Variants in LOXL2 observed in about 807,000 individuals in gnomAD.
LOXL2 encodes lysyl oxidase like 2, also known as lysyl oxidase homolog 2.
LOXL2 carries 70 observed loss-of-function variants against 93.0 expected under a neutral mutation model. That is an observed-to-expected ratio of 0.75 (90% CI 0.62 to 0.92). LOXL2 has a LOEUF of 0.92. LOXL2 is among the 40% of genes least tolerant of loss of function. The pLI, the probability that LOXL2 is intolerant of heterozygous loss-of-function variation, is 0.00. For missense variants in LOXL2, 973 were observed against 1,054.9 expected (o/e 0.92, Z 1.08); for synonymous variants, 438 against 413.2 (o/e 1.06, Z -0.73).
At chr8:23,383,274 A>G (rs928586299) in intron 1 of LOXL2, among the ~76,000 whole-genome samples, 1 of 152,096 alleles carries the variant, frequency 6.6e-6, no homozygotes, top group African/African-American at 2.4e-5. Flanking sequence ...CTTCCTAGCT[A>G]TATTAAGAGC....
intron 10 of LOXL2, among the ~76,000 whole-genome samples, chr8:23,308,675 G>A (rs996546478): frequency 6.6e-6 from 1 of 152,230 alleles, no homozygotes; most frequent in African/African-American, 2.4e-5. Flanking sequence ...ACAGAGGGAA[G>A]GTAAGAGGAT....
In LOXL2 at chr8:23,297,910, T is replaced by A; in HGVS notation, c.*133A>T. ...CTTTCCTCCTGAGCTTAGACACAGC[T>A]GTAGGGGTCTGGACAGGGTGGGGGC... On this transcript the variant is annotated 3_prime_UTR_variant, in exon 14 of 14. Coordinates refer to ENST00000389131, the MANE Select transcript of LOXL2 (RefSeq NM_002318.3). The A allele has an allele frequency of 1.5e-6, 1 of 679,664 alleles. No homozygotes were observed. The highest frequency in any genetic ancestry group is 2.6e-6 in the Non-Finnish European group (1 of 382,668). 42.1% of individuals were successfully genotyped at this position (679,664 alleles called of 1,614,324 possible). A position where few individuals can be genotyped will look rare whatever the true frequency, so the allele number is the denominator to read the frequency against.
intron 1 of LOXL2, chr8:23,385,746 G>A (rs1202892573): frequency 1.9e-5 from 11 of 574,764 alleles, no homozygotes; most frequent in East Asian, 5.7e-5. Context: ...AAATTCCCTC[G>A]TAGCCACTTT....
chr8:23,385,838 CA>C, intron 1 of LOXL2: 2 of 569,408 alleles, frequency 3.5e-6, no homozygotes, highest in Middle Eastern at 3.0e-4. Context: ...GGAATCAATA[CA>C]AAAATTATTA....
chr8:23,389,242 T>G (rs916970501), intron 1 of LOXL2, among the ~76,000 whole-genome samples: 5 of 152,204 alleles, frequency 3.3e-5, no homozygotes, highest in African/African-American at 1.2e-4. Flanking sequence ...CCTTGATAGC[T>G]GAGTCAGTCT....
At chr8:23,401,020 C>A (rs537635342) in intron 1 of LOXL2, among the ~76,000 whole-genome samples, 20 of 152,292 alleles carry the variant, frequency 1.3e-4, no homozygotes, top group Admixed American at 1.2e-3. Context: ...AAGAAGAACT[C>A]TTCAGAGAGC....
At chr8:23,317,627 G>C (rs1803423865) in intron 8 of LOXL2, among the ~76,000 whole-genome samples, 1 of 152,212 alleles carries the variant, frequency 6.6e-6, no homozygotes, top group Admixed American at 6.5e-5. Flanking sequence ...TCTGAATTTA[G>C]ACTTTTCCCC....
intron 6 of LOXL2, among the ~76,000 whole-genome samples, chr8:23,325,017 A>T (rs1249354195): frequency 1.3e-5 from 2 of 152,230 alleles, no homozygotes; most frequent in East Asian, 3.8e-4. Flanking sequence ...CACCAGCTGC[A>T]TGTGGCTATT....
At chr8:23,348,612 T>C (rs1332947415) in intron 3 of LOXL2, among the ~76,000 whole-genome samples, 1 of 151,828 alleles carries the variant, frequency 6.6e-6, no homozygotes, top group Non-Finnish European at 1.5e-5. Context: ...GTGCGGTGGC[T>C]CACGCCTGTA....
intron 3 of LOXL2, among the ~76,000 whole-genome samples, chr8:23,347,557 G>A (rs776941434): frequency 2.0e-5 from 3 of 152,112 alleles, no homozygotes; most frequent in Non-Finnish European, 2.9e-5. Flanking sequence ...GGCTGAGGCA[G>A]GAAAATCGCT....
chr8:23,309,403 C>T (rs934020817), intron 10 of LOXL2, among the ~76,000 whole-genome samples: 7 of 152,132 alleles, frequency 4.6e-5, no homozygotes, highest in Admixed American at 1.3e-4. Context: ...AGGGTATGGG[C>T]GCTCAAAACA....
chr8:23,369,520 G>A (rs1004163755), intron 1 of LOXL2, among the ~76,000 whole-genome samples: 4 of 152,168 alleles, frequency 2.6e-5, no homozygotes, highest in African/African-American at 9.7e-5. Flanking sequence ...TACCTTTGAG[G>A]AAGGACTGGC....
intron 6 of LOXL2, among the ~76,000 whole-genome samples, chr8:23,325,960 CAGA>C (rs1803569978): frequency 6.6e-6 from 1 of 152,182 alleles, no homozygotes; most frequent in East Asian, 1.9e-4. Flanking sequence ...ATCTGAGGCC[CAGA>C]AGGTTGCTCA....
At chr8:23,383,871 A>G (rs1585381150) in intron 1 of LOXL2, among the ~76,000 whole-genome samples, 1 of 152,064 alleles carries the variant, frequency 6.6e-6, no homozygotes, top group Admixed American at 6.6e-5. Context: ...CGTGTTAGCC[A>G]GGATGGTCTC....
At chr8:23,403,745 G>A (rs767072191) in intron 1 of LOXL2, among the ~76,000 whole-genome samples, 192 of 152,194 alleles carry the variant, frequency 1.3e-3, no homozygotes, top group Non-Finnish European at 2.1e-3. Flanking sequence ...CGGCCCGTAC[G>A]AGGTGGGGTT....
intron 3 of LOXL2, among the ~76,000 whole-genome samples, chr8:23,341,747 G>A (rs552769881): frequency 6.6e-6 from 1 of 152,188 alleles, no homozygotes; most frequent in South Asian, 2.1e-4. Flanking sequence ...CCCCAGGGGT[G>A]GGCATTCCTC....
rs533822296 is a variant in LOXL2, at chr8:23,395,202, C to T, written c.-84+8752G>A. ...CTGGGAGACGGAGGTTGCAGTGAGC[C>T]GAGATGGCGCCACTGCACTCCAGCC... On this transcript the variant is annotated intron_variant, in intron 1 of 13. Coordinates refer to ENST00000389131, the MANE Select transcript of LOXL2 (RefSeq NM_002318.3). Among the ~76,000 whole-genome samples the T allele has an allele frequency of 4.4e-4, 67 of 151,492 alleles. 1 individual carries two copies. Among genetic ancestry groups the T allele is most frequent in the African/African-American group, 1.1e-3 (46 of 41,278 alleles).
chr8:23,301,042 G>T (rs922388369), intron 12 of LOXL2, among the ~76,000 whole-genome samples: 1 of 152,226 alleles, frequency 6.6e-6, no homozygotes, highest in Non-Finnish European at 1.5e-5. Context: ...GCCCCTCTGT[G>T]GTGACTTCTC....
At chr8:23,354,368 C>T (rs1049041767) in intron 3 of LOXL2, among the ~76,000 whole-genome samples, 5 of 152,190 alleles carry the variant, frequency 3.3e-5, no homozygotes, top group Admixed American at 1.3e-4. Flanking sequence ...ACCAGGGTCA[C>T]AAGACACAGA....
Sources: gnomAD v4.1 joint callset for allele counts (sites outside exome capture counted in the v4.1 genomes callset) on GRCh38, gnomAD v4.1.1 for gene constraint, MANE v1.5 for transcripts, NCBI Gene and HGNC (gene_info 2026-07-23, HGNC 2026-07-21) for gene names.